ABI3BP: variants seen among roughly 807,000 people sequenced by gnomAD.
ABI3BP encodes ABI family member 3 binding protein.
A neutral mutation model predicts 268.6 loss-of-function variants in ABI3BP; 216 were observed. The observed-to-expected ratio is 0.80, with a 90% CI of 0.72 to 0.90. The LOEUF is 0.90. Ranked by LOEUF, ABI3BP falls within the 40% of genes least tolerant of loss-of-function variation. The pLI, the probability that ABI3BP is intolerant of heterozygous loss-of-function variation, is 0.00. For synonymous variants in ABI3BP, 730 were observed against 730.0 expected, an observed-to-expected ratio of 1.00 and a Z score of 0.00; for missense variants, 2,090 against 2,182.4, an observed-to-expected ratio of 0.96 and a Z score of 0.84.
At chr3:100,842,610 C>T (rs892333766) in intron 20 of ABI3BP, among the ~76,000 whole-genome samples, 2 of 152,170 alleles carry the variant, frequency 1.3e-5, no homozygotes, top group Non-Finnish European at 2.9e-5. Context: ...CCCATTTGGA[C>T]TGGTAAACCA....
intron 55 of ABI3BP, 87 bp from the exon 56 acceptor site, chr3:100,789,603 A>G (rs2097144407): frequency 1.6e-6 from 2 of 1,283,098 alleles, no homozygotes; most frequent in East Asian, 5.1e-5. Context: ...CCAACAACTC[A>G]TACACTTTGC....
chr3:100,839,653 A>G (rs1038900880), intron 23 of ABI3BP, 37 bp from the exon 24 acceptor site: 64 of 1,533,908 alleles, frequency 4.2e-5, no homozygotes, highest in Non-Finnish European at 5.4e-5. Flanking sequence ...AAATATTTCA[A>G]GAAGTGGCAT....
intron 6 of ABI3BP, among the ~76,000 whole-genome samples, chr3:100,879,038 T>C (rs2099197170): frequency 6.6e-6 from 1 of 152,178 alleles, no homozygotes; most frequent in Admixed American, 6.5e-5. Context: ...GCATTTGAAA[T>C]TTATCTTCAG....
intron 7 of ABI3BP, 145 bp downstream of exon 7, chr3:100,876,367 T>G: frequency 2.7e-6 from 2 of 732,766 alleles, no homozygotes; most frequent in Non-Finnish European, 4.4e-6. Flanking sequence ...AACTTCCAGT[T>G]TACTAGACCA....
rs56384617 is a variant in ABI3BP at position 100,774,996 on chromosome 3, G to A, written c.4462+211C>T. 3.4e-3 allele frequency among the ~76,000 whole-genome samples: 523 copies of A among 152,220 alleles called. 5 individuals carry two copies. Among genetic ancestry groups the A allele is most frequent in the Non-Finnish European group, 5.0e-3 (341 of 68,014 alleles). On this transcript the variant is annotated intron_variant, in intron 60 of 67. Transcript: ENST00000471714. ...AGATCTTTTTATGAACCAAAGTTAC[G>A]CAGTTTCTTCTATGTCTGCTAAGGG...
chr3:100,918,979 C>G (rs921448331), intron 2 of ABI3BP, among the ~76,000 whole-genome samples: 1 of 152,104 alleles, frequency 6.6e-6, no homozygotes, highest in Non-Finnish European at 1.5e-5. Context: ...ACAGTACTAC[C>G]TATCCCTGCA....
At chr3:100,798,292 C>G (rs918783065) in intron 51 of ABI3BP, among the ~76,000 whole-genome samples, 5 of 152,010 alleles carry the variant, frequency 3.3e-5, no homozygotes, top group Admixed American at 1.3e-4. Flanking sequence ...AGCAGACTTC[C>G]TAAGCAGGTG....
chr3:100,811,284 C>A lies in ABI3BP; in HGVS notation c.3494-7G>T. The stretch of plus-strand genomic sequence containing the variant: ...TATGTAATAGATTCCACAACTGTAC[C>A]AAAACAAAGGAGAAAAATTTTAGAA... On this transcript the variant is annotated splice_region_variant and splice_polypyrimidine_tract_variant and intron_variant, in intron 47 of 67. Transcript: ENST00000471714. The A allele has an allele frequency of 2.0e-6, 3 of 1,528,726 alleles. No homozygotes were observed. Among genetic ancestry groups the A allele is most frequent in the Non-Finnish European group, 1.7e-6 (2 of 1,143,404 alleles). The allele number at this position is 1,528,726 out of a possible 1,614,324, so 94.7% of individuals were successfully genotyped here. A position where few individuals can be genotyped will look rare whatever the true frequency, so the allele number is the denominator to read the frequency against.
chr3:100,832,122 T>C, intron 31 of ABI3BP, 142 bp downstream of exon 31: 1 of 667,710 alleles, frequency 1.5e-6, no homozygotes, highest in Non-Finnish European at 2.4e-6. Context: ...TGCTAAGCTA[T>C]TCATGTTCTC....
chr3:100,778,614 T>C, intron 58 of ABI3BP: 1 of 473,906 alleles, frequency 2.1e-6, no homozygotes, highest in Non-Finnish European at 3.7e-6. Flanking sequence ...GTCCTCATTA[T>C]AGATGAATAT....
intron 1 of ABI3BP, among the ~76,000 whole-genome samples, chr3:100,951,668 G>A (rs1014233841): frequency 2.0e-5 from 3 of 152,056 alleles, no homozygotes; most frequent in Middle Eastern, 3.4e-3. Context: ...TGAGGAGTCA[G>A]GTTTTATATA....
chr3:100,825,803 T>C lies in ABI3BP; in HGVS notation c.2644A>G (p.Ile882Val). The change falls in exon 35 of 68, where the codon ATC (isoleucine) becomes GTC (valine). Residue 882 changes from isoleucine to valine, a missense_variant. Physicochemically the swap from Ile to Val is conservative, Grantham distance 29. Coordinates refer to ENST00000471714, the MANE Select transcript of ABI3BP (RefSeq NM_001375547.2). Reference sequence around the variant, plus strand: ...TCGTTACCTAAGGTTGTTGCAGGGATCTCAGTTCTAAAAGTAACAGGCTCG... The same window carrying C: ...TCGTTACCTAAGGTTGTTGCAGGGACCTCAGTTCTAAAAGTAACAGGCTCG... ...DLEPVTFRTEIPATTLATKTS... is the reference protein window; with the variant it reads ...DLEPVTFRTEVPATTLATKTS... The C allele has an allele frequency of 6.5e-7, 1 of 1,535,718 alleles. No homozygotes were observed. The highest frequency in any genetic ancestry group is 8.7e-7 in the Non-Finnish European group (1 of 1,146,586).
chr3:100,765,187 G>T (rs1446855085), intron 63 of ABI3BP, among the ~76,000 whole-genome samples: 1 of 150,086 alleles, frequency 6.7e-6, no homozygotes, highest in African/African-American at 2.4e-5. Flanking sequence ...GTAATAAAAT[G>T]AACTAATAAA....
chr3:100,766,871 G>T (rs1420519271), intron 62 of ABI3BP, among the ~76,000 whole-genome samples: 1 of 152,168 alleles, frequency 6.6e-6, no homozygotes, highest in African/African-American at 2.4e-5. Context: ...AAGGTGAAAA[G>T]GCTGCCAAAG....
chr3:100,778,736 A>T (rs1577361531), intron 58 of ABI3BP: 1 of 200,150 alleles, frequency 5.0e-6, no homozygotes, highest in Non-Finnish European at 1.0e-5. Flanking sequence ...ACAGCAAAAC[A>T]CAAAATGTAA....
At chr3:100,942,336 TTTAA>T (rs925254583) in intron 1 of ABI3BP, among the ~76,000 whole-genome samples, 16 of 152,142 alleles carry the variant, frequency 1.1e-4, no homozygotes, top group Non-Finnish European at 7.4e-5. Flanking sequence ...TTTAGTTTTG[TTTAA>T]TTAGTCACAA....
At chr3:100,875,452 C>T in intron 8 of ABI3BP, 56 bp downstream of exon 8, 2 of 1,345,608 alleles carry the variant, frequency 1.5e-6, no homozygotes, top group South Asian at 1.2e-5. Context: ...AAAGCCCTAT[C>T]CTCAAAAGAT....
intron 4 of ABI3BP, among the ~76,000 whole-genome samples, chr3:100,895,098 C>T (rs1315288550): frequency 6.6e-6 from 1 of 151,022 alleles, no homozygotes; most frequent in Non-Finnish European, 1.5e-5. Context: ...AAGTTGGAAA[C>T]ATGAGAAAGA....
chr3:100,919,904 T>C (rs2059738397), intron 2 of ABI3BP, among the ~76,000 whole-genome samples: 1 of 152,176 alleles, frequency 6.6e-6, no homozygotes, highest in Non-Finnish European at 1.5e-5. Flanking sequence ...ACCTGATGAC[T>C]CTCTTCACCA....
Sources: allele counts gnomAD v4.1 joint callset (sites outside exome capture counted in the v4.1 genomes callset), GRCh38; gene constraint gnomAD v4.1.1; transcripts MANE v1.5; gene names NCBI Gene and HGNC (gene_info 2026-07-23, HGNC 2026-07-21).